CTNNA3: variants seen among roughly 807,000 people sequenced by gnomAD.
CTNNA3 encodes catenin alpha 3, also known as catenin alpha-3.
Under a neutral mutation model 95.7 loss-of-function variants are expected in CTNNA3, and 76 were observed. That is an observed-to-expected ratio of 0.79 (90% CI 0.66 to 0.96). CTNNA3 has a LOEUF of 0.96. Ranked by LOEUF, CTNNA3 falls within the 40% of genes least tolerant of loss-of-function variation. The probability of loss-of-function intolerance (pLI) is 0.00; values close to 1 mark genes in which losing one functional copy is unlikely to be tolerated. For missense variants in CTNNA3, 1,191 were observed against 1,089.8 expected (o/e 1.09, Z -1.31); for synonymous variants, 431 against 374.4 (o/e 1.15, Z -1.74).
intron 15 of CTNNA3, among the ~76,000 whole-genome samples, chr10:65,991,357 T>C (rs1244394398): frequency 6.6e-6 from 1 of 152,150 alleles, no homozygotes; most frequent in Non-Finnish European, 1.5e-5. Context: ...TTTGGTAGTA[T>C]GGATATTTTG....
chr10:67,243,958 T>G (rs1865811591), intron 5 of CTNNA3, among the ~76,000 whole-genome samples: 1 of 152,200 alleles, frequency 6.6e-6, no homozygotes, highest in South Asian at 2.1e-4. Flanking sequence ...AGGCCTTGCA[T>G]AGGAACTAGC....
At chr10:66,227,521 C>T (rs183535087) in intron 13 of CTNNA3, among the ~76,000 whole-genome samples, 19 of 152,034 alleles carry the variant, frequency 1.2e-4, no homozygotes, top group Non-Finnish European at 1.0e-4. Flanking sequence ...GAAAAATAAT[C>T]CCACGTAATT....
At chr10:67,161,664 G>C (rs540931380) in intron 7 of CTNNA3, among the ~76,000 whole-genome samples, 11 of 152,112 alleles carry the variant, frequency 7.2e-5, no homozygotes, top group Admixed American at 5.2e-4. Flanking sequence ...TAGGTAGATA[G>C]ATTAGACATA....
intron 12 of CTNNA3, among the ~76,000 whole-genome samples, chr10:66,289,619 T>C (rs1336123384): frequency 6.6e-6 from 1 of 151,966 alleles, no homozygotes; most frequent in African/African-American, 2.4e-5. Flanking sequence ...AAAACTCCTG[T>C]TTTAAATGCA....
At chr10:66,558,616 C>G (rs1270787428) in intron 10 of CTNNA3, among the ~76,000 whole-genome samples, 1 of 152,064 alleles carries the variant, frequency 6.6e-6, no homozygotes, top group Non-Finnish European at 1.5e-5. Context: ...ATTTTTCACA[C>G]CTTGTGGGTG....
At chr10:67,366,436 T>C (rs1843221371) in intron 5 of CTNNA3, among the ~76,000 whole-genome samples, 1 of 151,168 alleles carries the variant, frequency 6.6e-6, no homozygotes, top group Non-Finnish European at 1.5e-5. Flanking sequence ...AGGTCAGGAG[T>C]TCGAGGCCAG....
chr10:67,249,167 T>A (rs949640966), intron 5 of CTNNA3, among the ~76,000 whole-genome samples: 1 of 152,084 alleles, frequency 6.6e-6, no homozygotes, highest in African/African-American at 2.4e-5. Context: ...TACAGAATAA[T>A]AGAAAATTTT....
intron 11 of CTNNA3, among the ~76,000 whole-genome samples, chr10:66,408,812 T>A (rs186522985): frequency 5.9e-5 from 9 of 152,270 alleles, no homozygotes; most frequent in Non-Finnish European, 1.0e-4. Flanking sequence ...CTGAAATGAA[T>A]ATATAATTTA....
intron 13 of CTNNA3, among the ~76,000 whole-genome samples, chr10:66,188,595 CTGTGTGTGTGTG>C (rs71035114): frequency 5.0e-5 from 6 of 121,036 alleles, no homozygotes; most frequent in South Asian, 2.7e-4. Context: ...GGGGGGGTCT[CTGTGTGTGTGTG>C]TGTGTGTGTG....
chr10:66,370,948 C>G (rs563291046), intron 12 of CTNNA3, among the ~76,000 whole-genome samples: 2 of 152,210 alleles, frequency 1.3e-5, no homozygotes, highest in East Asian at 3.9e-4. Context: ...ATCTCGAACA[C>G]TTGGGTTCAA....
intron 11 of CTNNA3, among the ~76,000 whole-genome samples, chr10:66,399,707 A>G (rs2093005556): frequency 6.6e-6 from 1 of 151,936 alleles, no homozygotes; most frequent in Non-Finnish European, 1.5e-5. Context: ...ATATCATTAT[A>G]TTTTCAATGA....
intron 2 of CTNNA3, among the ~76,000 whole-genome samples, chr10:67,638,627 A>G (rs1294787554): frequency 6.6e-6 from 1 of 152,216 alleles, no homozygotes; most frequent in Non-Finnish European, 1.5e-5. Flanking sequence ...CTCCTCAGCA[A>G]ATGTAAAAGA....
In CTNNA3 at chr10:67,606,922, A is replaced by G. The variant is rs768975895; in HGVS notation, c.227T>C (p.Ile76Thr). ...TWNLLDKGEKIAQEATVLKDE... is the reference protein window; with the variant it reads ...TWNLLDKGEKTAQEATVLKDE... ...CTTTAAAACTGTAGCTTCCTGGGCA[A>G]TCTTCTCTCCCTTGTCTAATAAATT... is the stretch of plus-strand genomic sequence containing the variant. The change falls in exon 3 of 18, where the codon ATT (isoleucine) becomes ACT (threonine). Residue 76 changes from isoleucine to threonine, a missense_variant. Coordinates refer to ENST00000433211, the MANE Select transcript of CTNNA3 (RefSeq NM_013266.4). 1 of 1,614,164 alleles carries G rather than the reference A, an allele frequency of 6.2e-7. No homozygotes were observed. Among genetic ancestry groups the G allele is most frequent in the Admixed American group, 1.7e-5 (1 of 60,024 alleles).
chr10:66,617,713 C>A (rs184103747), intron 10 of CTNNA3, among the ~76,000 whole-genome samples: 1 of 151,934 alleles, frequency 6.6e-6, no homozygotes, highest in Non-Finnish European at 1.5e-5. Flanking sequence ...CTGGCCAAGG[C>A]AATTAGGCAG....
At chr10:66,980,257 GT>G (rs1850336572) in intron 7 of CTNNA3, among the ~76,000 whole-genome samples, 1 of 152,134 alleles carries the variant, frequency 6.6e-6, no homozygotes, top group South Asian at 2.1e-4. Context: ...AGACCACTGT[GT>G]TCCTTGTCTC....
chr10:67,585,232 G>T (rs1273528832), intron 3 of CTNNA3, among the ~76,000 whole-genome samples: 1 of 152,146 alleles, frequency 6.6e-6, no homozygotes, highest in East Asian at 1.9e-4. Context: ...TGTGCTGTTG[G>T]GTTCAGTTTG....
intron 7 of CTNNA3, among the ~76,000 whole-genome samples, chr10:66,936,824 A>G (rs2132662771): frequency 6.6e-6 from 1 of 152,260 alleles, no homozygotes; most frequent in East Asian, 1.9e-4. Flanking sequence ...CCAGAGTGAG[A>G]GCAGGATTAC....
chr10:66,573,541 T>G, intron 10 of CTNNA3, among the ~76,000 whole-genome samples: 1 of 152,214 alleles, frequency 6.6e-6, no homozygotes, highest in Non-Finnish European at 1.5e-5. Flanking sequence ...AACAAAATCA[T>G]TATATAACAA....
chr10:67,617,350 T>G (rs1000018322), intron 2 of CTNNA3, among the ~76,000 whole-genome samples: 3 of 152,088 alleles, frequency 2.0e-5, no homozygotes, highest in African/African-American at 7.2e-5. Flanking sequence ...AGCACACAAG[T>G]GGTATTTGGT....
Sources: gnomAD v4.1 joint callset for allele counts (sites outside exome capture counted in the v4.1 genomes callset) on GRCh38, gnomAD v4.1.1 for gene constraint, MANE v1.5 for transcripts, NCBI Gene and HGNC (gene_info 2026-07-23, HGNC 2026-07-21) for gene names.